The following GPM6A variants were observed in gnomAD, a reference collection of about 807,000 sequenced individuals.
GPM6A encodes glycoprotein M6A, also known as neuronal membrane glycoprotein M6-a.
A neutral mutation model predicts 32.1 loss-of-function variants in GPM6A; 7 were observed. The observed-to-expected ratio is 0.22, with a 90% CI of 0.12 to 0.41. The LOEUF (loss-of-function observed/expected upper bound fraction) is 0.41, where lower values mean the gene tolerates loss of function less well. Ranked by LOEUF, GPM6A falls within the 10% of genes least tolerant of loss-of-function variation. The pLI is 1.00. For synonymous variants in GPM6A, 130 were observed against 123.4 expected (o/e 1.05, Z -0.35); for missense variants, 235 against 347.2 (o/e 0.68, Z 2.57).
At chr4:175,692,357 G>A (rs1744346421) in intron 2 of GPM6A, among the ~76,000 whole-genome samples, 1 of 152,068 alleles carries the variant, frequency 6.6e-6, no homozygotes, top group Non-Finnish European at 1.5e-5. Flanking sequence ...CTCTCTCTTT[G>A]TTCCCTAATG....
chr4:175,675,823 C>T (rs1306219532), intron 2 of GPM6A, among the ~76,000 whole-genome samples: 2 of 151,976 alleles, frequency 1.3e-5, no homozygotes, highest in Non-Finnish European at 1.5e-5. Flanking sequence ...CAAATTTCTT[C>T]GTTTTTTTTG....
At chr4:175,701,040 A>G (rs565628693) in intron 2 of GPM6A, among the ~76,000 whole-genome samples, 21 of 152,352 alleles carry the variant, frequency 1.4e-4, no homozygotes, top group African/African-American at 4.6e-4. Context: ...GGTGTTTGAA[A>G]AAAAAGGTTG....
At chr4:175,927,339 G>C (rs1217935573) in intron 1 of GPM6A, among the ~76,000 whole-genome samples, 20 of 152,236 alleles carry the variant, frequency 1.3e-4, no homozygotes, top group Admixed American at 1.3e-3. Flanking sequence ...ACTGTGAGCT[G>C]TGTTTTCACT....
intron 1 of GPM6A, among the ~76,000 whole-genome samples, chr4:175,901,167 G>A (rs1233082946): frequency 2.6e-5 from 4 of 151,616 alleles, no homozygotes; most frequent in Non-Finnish European, 5.9e-5. Flanking sequence ...GGGCAGCAGA[G>A]GTGGGGGTGG....
intron 1 of GPM6A, among the ~76,000 whole-genome samples, chr4:175,712,479 T>C (rs929974859): frequency 1.3e-5 from 2 of 152,236 alleles, no homozygotes; most frequent in Admixed American, 6.5e-5. Context: ...AGAAGTGCTT[T>C]CAACTAAATT....
chr4:175,871,946 T>C (rs1276008465), intron 1 of GPM6A, among the ~76,000 whole-genome samples: 1 of 152,216 alleles, frequency 6.6e-6, no homozygotes, highest in African/African-American at 2.4e-5. Context: ...TTTTTATCTC[T>C]GACATATGCA....
chr4:175,924,228 C>T (rs983674284), intron 1 of GPM6A, among the ~76,000 whole-genome samples: 3 of 152,052 alleles, frequency 2.0e-5, no homozygotes, highest in Admixed American at 6.6e-5. Context: ...TGCTGACGTT[C>T]GCCAAATGAA....
chr4:175,920,714 T>A (rs999346883), intron 1 of GPM6A, among the ~76,000 whole-genome samples: 1 of 151,928 alleles, frequency 6.6e-6, no homozygotes, highest in Non-Finnish European at 1.5e-5. Flanking sequence ...CCAGGTGCGG[T>A]GGTGCGTGCC....
chr4:175,681,837 CTTTATAGTAA>C, intron 2 of GPM6A, among the ~76,000 whole-genome samples: 1 of 152,250 alleles, frequency 6.6e-6, no homozygotes, highest in South Asian at 2.1e-4. Context: ...TCAGGTATTT[CTTTATAGTAA>C]TGCAAGAATG....
At chr4:175,707,638 C>CT (rs1312372882) in intron 1 of GPM6A, among the ~76,000 whole-genome samples, 102 of 150,020 alleles carry the variant, frequency 6.8e-4, no homozygotes, top group Admixed American at 2.4e-3. Context: ...GGCTTTATTT[C>CT]TTTTTTTTTC....
At chr4:175,867,474 A>G (rs966379886) in intron 1 of GPM6A, among the ~76,000 whole-genome samples, 1 of 152,110 alleles carries the variant, frequency 6.6e-6, no homozygotes, top group African/African-American at 2.4e-5. Context: ...CTAGGGATGT[A>G]CAGTTGTTCC....
chr4:175,945,100 T>C (rs1172071104), intron 1 of GPM6A, among the ~76,000 whole-genome samples: 1 of 152,174 alleles, frequency 6.6e-6, no homozygotes, highest in Non-Finnish European at 1.5e-5. Context: ...TCATTGAGGC[T>C]AGAAAAGACT....
intron 2 of GPM6A, among the ~76,000 whole-genome samples, chr4:175,676,964 A>G (rs1399170301): frequency 6.6e-6 from 1 of 152,176 alleles, no homozygotes; most frequent in Non-Finnish European, 1.5e-5. Flanking sequence ...AACTGGTCAC[A>G]TATATATCCT....
At chr4:175,919,007 ACTG>A (rs1228011523) in intron 1 of GPM6A, among the ~76,000 whole-genome samples, 1 of 152,102 alleles carries the variant, frequency 6.6e-6, no homozygotes, top group African/African-American at 2.4e-5. Flanking sequence ...TTGAAACAAA[ACTG>A]AACTCACTAA....
At chr4:175,841,696 A>T (rs1386904856) in intron 1 of GPM6A, among the ~76,000 whole-genome samples, 1 of 152,208 alleles carries the variant, frequency 6.6e-6, no homozygotes, top group Non-Finnish European at 1.5e-5. Context: ...TCCATGCTAA[A>T]TTATAACTAC....
intron 4 of GPM6A, among the ~76,000 whole-genome samples, chr4:175,647,772 A>G (rs1317851771): frequency 6.6e-6 from 1 of 152,182 alleles, no homozygotes; most frequent in Non-Finnish European, 1.5e-5. Context: ...ATCCTAATAC[A>G]ATGTTTGAGG....
At chr4:175,663,140 G>A (rs1284288026) in intron 3 of GPM6A, among the ~76,000 whole-genome samples, 1 of 152,168 alleles carries the variant, frequency 6.6e-6, no homozygotes, top group Non-Finnish European at 1.5e-5. Context: ...CTTTGGCAAT[G>A]CATTACAAAA....
At chr4:175,770,938 G>A (rs1290843189) in intron 1 of GPM6A, among the ~76,000 whole-genome samples, 1 of 152,160 alleles carries the variant, frequency 6.6e-6, no homozygotes, top group African/African-American at 2.4e-5. Flanking sequence ...ATTAATCTGA[G>A]AGCGGCTTCC....
At chr4:175,711,416 A>G (rs1054749389) in intron 1 of GPM6A, among the ~76,000 whole-genome samples, 4 of 23,316 alleles carry the variant, frequency 1.7e-4, no homozygotes, top group African/African-American at 4.2e-4. Flanking sequence ...CCAAATATAT[A>G]TATATATATA....
Sources: gnomAD v4.1 joint callset for allele counts (sites outside exome capture counted in the v4.1 genomes callset) on GRCh38, gnomAD v4.1.1 for gene constraint, MANE v1.5 for transcripts, NCBI Gene and HGNC (gene_info 2026-07-23, HGNC 2026-07-21) for gene names.